The following DNMT3L variants were observed in gnomAD, a reference collection of about 807,000 sequenced individuals.
DNMT3L encodes the protein DNA (cytosine-5)-methyltransferase 3-like.
DNMT3L carries 33 observed loss-of-function variants against 36.2 expected under a neutral mutation model. The observed-to-expected ratio is 0.91, with a 90% CI of 0.69 to 1.22. The LOEUF is 1.22. Ranked by LOEUF, DNMT3L falls within the 50% of genes most tolerant of loss-of-function variation. DNMT3L has a pLI of 0.00. For synonymous variants in DNMT3L, 117 were observed against 121.7 expected (o/e 0.96, Z 0.26); for missense variants, 310 against 303.1 (o/e 1.02, Z -0.17).
At chr21:44,255,337 A>G (rs1025482832) in intron 7 of DNMT3L, among the ~76,000 whole-genome samples, 1 of 150,938 alleles carries the variant, frequency 6.6e-6, no homozygotes, top group African/African-American at 2.4e-5. Context: ...CCTGGCCAAC[A>G]TGGTGAAACC....
intron 8 of DNMT3L, 126 bp downstream of exon 8, chr21:44,254,491 G>C: frequency 9.8e-7 from 1 of 1,019,930 alleles, no homozygotes; most frequent in Non-Finnish European, 1.4e-6. Flanking sequence ...AGAGGCCCCC[G>C]TGTGTTCAGG....
rs368248737 is a variant in DNMT3L, at chr21:44,258,494, C to T, written c.516+29G>A. 161 of 1,523,302 alleles carry T rather than the reference C, an allele frequency of 1.1e-4. No individual in the cohort carries two copies. The highest frequency in any genetic ancestry group is 1.3e-4 in the Non-Finnish European group (149 of 1,130,158). The allele number at this position is 1,523,302 out of a possible 1,614,324, so 94.4% of individuals were successfully genotyped here. A position where few individuals can be genotyped will look rare whatever the true frequency, so the allele number is the denominator to read the frequency against. On this transcript the variant is annotated intron_variant, in intron 6 of 11. Coordinates refer to ENST00000628202, the MANE Select transcript of DNMT3L (RefSeq NM_175867.3). The surrounding 1 kb of genome is among the most constrained non-coding windows in gnomAD (Gnocchi z 6.2). ...GCCGTAAGTCAGGGCCTGCTGCTGC[C>T]GGGTGCTGCCCCTCCACGGGCTCCT...
intron 8 of DNMT3L, among the ~76,000 whole-genome samples, chr21:44,254,373 C>T (rs1167302982): frequency 6.6e-6 from 1 of 152,224 alleles, no homozygotes; most frequent in Non-Finnish European, 1.5e-5. Context: ...AATGCTGGGA[C>T]CACCAAAACG....
intron 8 of DNMT3L, among the ~76,000 whole-genome samples, chr21:44,254,023 G>A (rs572195412): frequency 2.0e-5 from 3 of 152,316 alleles, no homozygotes; most frequent in African/African-American, 7.2e-5. Context: ...GTCCCAGGCC[G>A]GGAGCCCCCA....
chr21:44,254,489 C>G, intron 8 of DNMT3L, 128 bp downstream of exon 8: 1 of 1,012,376 alleles, frequency 9.9e-7, no homozygotes, highest in Non-Finnish European at 1.4e-6. Context: ...CGAGAGGCCC[C>G]CGTGTGTTCA....
intron 3 of DNMT3L, 58 bp from the exon 4 acceptor site, chr21:44,259,769 G>A (rs1010611909): frequency 1.6e-5 from 24 of 1,527,568 alleles, no homozygotes; most frequent in Non-Finnish European, 2.1e-5. Context: ...TACAGCAGAC[G>A]ATTAGGAATA....
chr21:44,253,488 G>A (rs1415272838), intron 8 of DNMT3L, among the ~76,000 whole-genome samples: 6 of 152,102 alleles, frequency 3.9e-5, no homozygotes, highest in Non-Finnish European at 7.4e-5. Context: ...AGGCCAAGGC[G>A]GGTGGATCAC....
Position 44,258,432 on chromosome 21 carries a change from C to G in DNMT3L, c.516+91G>C, listed in dbSNP as rs556476312. On this transcript the variant is annotated intron_variant, in intron 6 of 11. Coordinates refer to ENST00000628202, the MANE Select transcript of DNMT3L (RefSeq NM_175867.3). This position sits in a 1 kb window ranked among gnomAD's most constrained non-coding sequence, Gnocchi z 6.2. ...CCGAGGCTGCAGCCGTGGTGCCCGT[C>G]GGCGCGCCTGCATTCTGCAGCGGGA... The G allele has an allele frequency of 4.7e-4, 682 of 1,442,638 alleles. 4 individuals are homozygous for G. The South Asian group carries it at 9.2e-3, about 20-fold the overall frequency. The allele number at this position is 1,442,638 out of a possible 1,614,324, so 89.4% of individuals were successfully genotyped here.
At position 44,258,737 on chromosome 21, in the gene DNMT3L, A is replaced by C; in HGVS notation, c.345-43T>G. The C allele has an allele frequency of 6.3e-7, 1 of 1,594,024 alleles. No individual in the cohort carries two copies. Among genetic ancestry groups the C allele is most frequent in the South Asian group, 1.1e-5 (1 of 89,354 alleles). On this transcript the variant is annotated intron_variant, in intron 5 of 11. Transcript: ENST00000628202. The surrounding 1 kb of genome is among the most constrained non-coding windows in gnomAD (Gnocchi z 6.2). Reference sequence around the variant, plus strand: ...ACCACAGCAGCGGACATGACAGCCCACCTCTCCTGAGGATGGCAGAGGTGG... The same window carrying C: ...ACCACAGCAGCGGACATGACAGCCCCCCTCTCCTGAGGATGGCAGAGGTGG...
chr21:44,258,606 AC>A lies in DNMT3L; in HGVS notation c.432del (p.Cys145AlafsTer59). On this transcript the variant is annotated frameshift_variant, in exon 6 of 12. Transcript: ENST00000628202. LOFTEE classifies it high-confidence loss of function. The surrounding 1 kb of genome is among the most constrained non-coding windows in gnomAD (Gnocchi z 6.2). ...VHAMSNWVCYLCLPSSRSGLL... is the reference protein window; with the variant it reads ...VHAMSNWVCYXCLPSSRSGLL... ...AGCCCGCTTCGGGAGGACGGCAGGC[AC>A]AGGTAGCACACCCAGTTGCTCATGG... is the stretch of plus-strand genomic sequence containing the variant. 1 of 1,612,420 alleles carries A rather than the reference AC, an allele frequency of 6.2e-7. No homozygotes were observed.
chr21:44,255,516 A>AAG (rs3046651), intron 7 of DNMT3L, among the ~76,000 whole-genome samples: 3 of 150,836 alleles, frequency 2.0e-5, no homozygotes, highest in Non-Finnish European at 4.4e-5. Context: ...AAAAAAAAAA[A>AAG]GGATGTCAAG....
Position 44,255,505 on chromosome 21 carries a change from C to CA in DNMT3L, c.604+561dup, listed in dbSNP as rs375122043. On this transcript the variant is annotated intron_variant, in intron 7 of 11. Coordinates refer to ENST00000628202, the MANE Select transcript of DNMT3L (RefSeq NM_175867.3). The stretch of plus-strand genomic sequence containing the variant: ...TGGGCAACAGAGCGAGACTCCGCCT[C>CA]AAAAAAAAAAAGGATGTCAAGGACT... Among the ~76,000 whole-genome samples, 417 of 145,786 alleles carry CA rather than the reference C, an allele frequency of 2.9e-3. 5 individuals carry two copies. The highest frequency in any genetic ancestry group is 8.0e-3 in the African/African-American group (319 of 39,782).
At chr21:44,254,160 G>A (rs1203748076) in intron 8 of DNMT3L, among the ~76,000 whole-genome samples, 4 of 152,212 alleles carry the variant, frequency 2.6e-5, no homozygotes, top group Admixed American at 6.5e-5. Context: ...TTCCAGCAGC[G>A]GGAGGATGCT....
intron 6 of DNMT3L, among the ~76,000 whole-genome samples, chr21:44,257,608 G>A (rs377414153): frequency 0.038 from 5,616 of 148,748 alleles, 263 homozygotes; most frequent in East Asian, 0.26. Context: ...GTGAACCTGG[G>A]AGGCGGAGCT....
At chr21:44,256,880 C>T (rs1037204060) in intron 6 of DNMT3L, among the ~76,000 whole-genome samples, 5 of 152,204 alleles carry the variant, frequency 3.3e-5, no homozygotes, top group African/African-American at 1.2e-4. Context: ...TATAAAATAC[C>T]TTCCCATCTG....
chr21:44,260,348 G>T (rs371694170), intron 3 of DNMT3L, among the ~76,000 whole-genome samples: 167 of 152,276 alleles, frequency 1.1e-3, no homozygotes, highest in African/African-American at 3.9e-3. Flanking sequence ...AAAATTAGAT[G>T]GTGATGATGG....
chr21:44,254,719 G>A lies in DNMT3L; in HGVS notation c.605-14C>T, dbSNP rs372299398. The A allele has an allele frequency of 1.2e-6, 2 of 1,613,552 alleles. No individual in the cohort carries two copies. Among genetic ancestry groups the A allele is most frequent in the Non-Finnish European group, 1.7e-6 (2 of 1,179,836 alleles). On this transcript the variant is annotated splice_polypyrimidine_tract_variant and intron_variant, in intron 7 of 11. Transcript: ENST00000628202. ...AACTCGTCAGCTCTGGATGGGGAGA[G>A]ACCAGAAGGGCCCAGAGGGTGAGCG... is the stretch of plus-strand genomic sequence containing the variant.
At chr21:44,256,578 C>T (rs927378766) in intron 6 of DNMT3L, among the ~76,000 whole-genome samples, 5 of 150,988 alleles carry the variant, frequency 3.3e-5, no homozygotes, top group Non-Finnish European at 5.9e-5. Context: ...GCACCCGCCA[C>T]CACGCCCGGC....
chr21:44,256,913 A>G (rs917785501), intron 6 of DNMT3L, among the ~76,000 whole-genome samples: 22 of 152,234 alleles, frequency 1.4e-4, no homozygotes, highest in Admixed American at 1.4e-3. Context: ...GAATTGGAGC[A>G]GGCTGAAGCT....
Sources: gnomAD v4.1 joint callset for allele counts (sites outside exome capture counted in the v4.1 genomes callset) on GRCh38, gnomAD v4.1.1 for gene constraint, Gnocchi (gnomAD v3.1) non-coding constraint, MANE v1.5 for transcripts, NCBI Gene and HGNC (gene_info 2026-07-23, HGNC 2026-07-21) for gene names.